Variants in KAZN observed in about 807,000 individuals in gnomAD.
KAZN encodes the protein kazrin.
A neutral mutation model predicts 87.4 loss-of-function variants in KAZN; 40 were observed. The observed-to-expected ratio is 0.46, with a 90% CI of 0.36 to 0.60. The LOEUF (loss-of-function observed/expected upper bound fraction) is 0.60. Among genes scored for constraint, KAZN ranks in the 20% least tolerant of loss-of-function variants. KAZN has a pLI of 0.00. For missense variants in KAZN, 898 were observed against 1,073.9 expected (o/e 0.84, Z 2.29); for synonymous variants, 466 against 458.3 (o/e 1.02, Z -0.22).
intron 2 of KAZN, among the ~76,000 whole-genome samples, chr1:14,251,169 C>T (rs1389720089): frequency 6.6e-6 from 1 of 152,162 alleles, no homozygotes; most frequent in Non-Finnish European, 1.5e-5. Flanking sequence ...ATTCCATCCA[C>T]GGAATGGGGA....
rs976484765 is a variant in KAZN at position 15,099,498 on chromosome 1, G to A, written c.1548-2045G>A. On this transcript the variant is annotated intron_variant, in intron 10 of 14. Coordinates refer to ENST00000376030, the MANE Select transcript of KAZN (RefSeq NM_201628.3). This position sits in a 1 kb window ranked among gnomAD's most constrained non-coding sequence, Gnocchi z 5.4. ...GGAGATTTGACGCCCAAGGGATGAG[G>A]AGGGGTGAGCCCTGGGCAGGGTTGC... 1.3e-5 allele frequency among the ~76,000 whole-genome samples: 2 copies of A among 152,194 alleles called. No individual in the cohort carries two copies. Among genetic ancestry groups the A allele is most frequent in the African/African-American group, 2.4e-5 (1 of 41,446 alleles).
intron 1 of KAZN, among the ~76,000 whole-genome samples, chr1:14,824,210 G>A (rs922457134): frequency 6.6e-6 from 1 of 152,018 alleles, no homozygotes; most frequent in African/African-American, 2.4e-5. Flanking sequence ...TGGGAGGCCT[G>A]GTTAGATCCT....
intron 1 of KAZN, among the ~76,000 whole-genome samples, chr1:14,178,761 G>T (rs904774056): frequency 6.6e-6 from 1 of 151,134 alleles, no homozygotes; most frequent in Non-Finnish European, 1.5e-5. Context: ...TAAGCATTAT[G>T]AATGTTACAT....
intron 2 of KAZN, among the ~76,000 whole-genome samples, chr1:14,334,081 C>T (rs1212460518): frequency 6.6e-6 from 1 of 150,646 alleles, no homozygotes; most frequent in Non-Finnish European, 1.5e-5. Flanking sequence ...GGAAGTCGGC[C>T]AGCCCAGGCA....
chr1:14,536,673 G>T (rs901412236), intron 2 of KAZN, among the ~76,000 whole-genome samples: 1 of 152,152 alleles, frequency 6.6e-6, no homozygotes, highest in Non-Finnish European at 1.5e-5. Context: ...CCTGAGGTCA[G>T]GAGTTCAAGA....
At chr1:14,180,642 T>C in intron 2 of KAZN, 2 of 1,496,952 alleles carry the variant, frequency 1.3e-6, no homozygotes, top group African/African-American at 1.4e-5. Flanking sequence ...GAATCTTTTT[T>C]TCTTTTTGGC....
At chr1:14,612,060 C>T (rs951791921) in intron 1 of KAZN, among the ~76,000 whole-genome samples, 4 of 152,124 alleles carry the variant, frequency 2.6e-5, no homozygotes, top group South Asian at 4.1e-4. Flanking sequence ...TAATCGTTCT[C>T]GTTTATTTGT....
At chr1:14,597,293 G>T (rs941520188), upstream of KAZN, among the ~76,000 whole-genome samples, 2 of 152,174 alleles carry the variant, frequency 1.3e-5, no homozygotes, top group African/African-American at 4.8e-5. Context: ...ATCAAATCCT[G>T]CCCTCTTGCA....
At chr1:14,203,022 A>G (rs933195163) in intron 2 of KAZN, among the ~76,000 whole-genome samples, 1 of 152,120 alleles carries the variant, frequency 6.6e-6, no homozygotes, top group Non-Finnish European at 1.5e-5. Context: ...CGTCTCAAAA[A>G]TCATCATAGA....
chr1:14,772,185 C>G (rs954408626), intron 1 of KAZN, among the ~76,000 whole-genome samples: 1 of 152,088 alleles, frequency 6.6e-6, no homozygotes, highest in Admixed American at 6.6e-5. Context: ...GGTTGGGGAA[C>G]AAGAGTCTAG....
chr1:15,003,877 CTCACAG>C (rs945999162), intron 2 of KAZN, among the ~76,000 whole-genome samples: 10 of 152,212 alleles, frequency 6.6e-5, no homozygotes, highest in Non-Finnish European at 1.2e-4. Context: ...CCAGGTGTCA[CTCACAG>C]TGTCCCCTGC....
intron 1 of KAZN, among the ~76,000 whole-genome samples, chr1:13,979,089 C>T (rs1280940017): frequency 6.7e-6 from 1 of 148,520 alleles, no homozygotes; most frequent in South Asian, 2.1e-4. Flanking sequence ...GAGTGAAATC[C>T]AGTCTCAAGA....
chr1:14,370,393 CCT>C (rs1374134543), intron 2 of KAZN, among the ~76,000 whole-genome samples: 3 of 152,308 alleles, frequency 2.0e-5, no homozygotes, highest in East Asian at 1.9e-4. Flanking sequence ...CTGCTCAGCC[CCT>C]GAGTATCATT....
intron 2 of KAZN, among the ~76,000 whole-genome samples, chr1:14,456,437 G>A (rs188121375): frequency 2.6e-5 from 4 of 152,054 alleles, no homozygotes; most frequent in Admixed American, 2.6e-4. Context: ...TTATGTTGAA[G>A]CTTTTATTTG....
chr1:14,206,536 A>C (rs1224707720), intron 2 of KAZN, among the ~76,000 whole-genome samples: 4 of 152,148 alleles, frequency 2.6e-5, no homozygotes, highest in Non-Finnish European at 5.9e-5. Flanking sequence ...TATGGTAACT[A>C]GACATCATCA....
chr1:14,718,512 T>A (rs1642924673), intron 1 of KAZN, among the ~76,000 whole-genome samples: 1 of 152,226 alleles, frequency 6.6e-6, no homozygotes, highest in African/African-American at 2.4e-5. Context: ...TTTCACAAAT[T>A]TAGGCTCTTG....
intron 2 of KAZN, among the ~76,000 whole-genome samples, chr1:14,362,950 G>T (rs968229473): frequency 2.6e-5 from 4 of 152,126 alleles, no homozygotes; most frequent in Non-Finnish European, 5.9e-5. Context: ...TCCCCCAATG[G>T]CATGATGGCA....
chr1:13,944,048 T>C (rs1641041980), intron 1 of KAZN, among the ~76,000 whole-genome samples: 1 of 152,294 alleles, frequency 6.6e-6, no homozygotes, highest in East Asian at 1.9e-4. Context: ...ATGAAAACCA[T>C]TGTCCACACA....
At chr1:14,255,138 AAAGAAG>A (rs1199857011) in intron 2 of KAZN, among the ~76,000 whole-genome samples, 229 of 125,280 alleles carry the variant, frequency 1.8e-3, no homozygotes, top group South Asian at 3.3e-3. Flanking sequence ...AAAAAAAAAA[AAAGAAG>A]AAGAAGAAGA....
Sources: allele counts gnomAD v4.1 joint callset (sites outside exome capture counted in the v4.1 genomes callset), GRCh38; gene constraint gnomAD v4.1.1; non-coding constraint Gnocchi (gnomAD v3.1); transcripts MANE v1.5; gene names NCBI Gene and HGNC (gene_info 2026-07-23, HGNC 2026-07-21).